NAALADL2: variants seen among roughly 807,000 people sequenced by gnomAD.
NAALADL2 encodes the protein inactive N-acetylated-alpha-linked acidic dipeptidase-like protein 2.
A neutral mutation model predicts 87.2 loss-of-function variants in NAALADL2; 76 were observed. That is an observed-to-expected ratio of 0.87 (90% CI 0.72 to 1.05). The LOEUF (loss-of-function observed/expected upper bound fraction) is 1.05, where lower values mean the gene tolerates loss of function less well. Ranked by LOEUF, NAALADL2 falls within the 50% of genes least tolerant of loss-of-function variation. The pLI, the probability that NAALADL2 is intolerant of heterozygous loss-of-function variation, is 0.00. For missense variants in NAALADL2, 1,089 were observed against 945.8 expected (o/e 1.15, Z -1.99); for synonymous variants, 354 against 331.0 (o/e 1.07, Z -0.75).
chr3:174,763,492 C>T (rs530389029), intron 3 of NAALADL2, among the ~76,000 whole-genome samples: 36 of 146,756 alleles, frequency 2.5e-4, no homozygotes, highest in African/African-American at 8.1e-4. Flanking sequence ...GAGGCTGAGG[C>T]AGGAGAATCG....
chr3:175,002,515 C>A (rs1748392925), intron 1 of NAALADL2, among the ~76,000 whole-genome samples: 1 of 152,058 alleles, frequency 6.6e-6, no homozygotes, highest in African/African-American at 2.4e-5. Context: ...TGAACCCATG[C>A]CACTTAATGA....
chr3:175,419,089 T>C (rs1321000364), intron 5 of NAALADL2, among the ~76,000 whole-genome samples: 1 of 151,796 alleles, frequency 6.6e-6, no homozygotes, highest in African/African-American at 2.4e-5. Context: ...ACCTGTCAAG[T>C]GTCAGAGCTG....
chr3:175,440,891 G>C lies in NAALADL2; in HGVS notation c.1091-6338G>C, dbSNP rs954651798. ...TGTCCTTTATTTCTTTCTCTTGTCT[G>C]ATTGCTCTGGCTAGGACTTCCTCTA... On this transcript the variant is annotated intron_variant, in intron 5 of 13. Transcript: ENST00000454872. 7.2e-5 allele frequency among the ~76,000 whole-genome samples: 11 copies of C among 152,056 alleles called. No homozygotes were observed. In the East Asian group the frequency reaches 2.1e-3, roughly 29 times the overall value.
intron 11 of NAALADL2, among the ~76,000 whole-genome samples, chr3:175,657,657 T>C (rs1281528026): frequency 1.6e-4 from 24 of 151,658 alleles, no homozygotes; most frequent in Non-Finnish European, 4.4e-5. Flanking sequence ...CTGGGCTCAC[T>C]GCAAGCTCCG....
intron 11 of NAALADL2, among the ~76,000 whole-genome samples, chr3:175,705,831 T>C (rs1255912197): frequency 6.6e-6 from 1 of 152,094 alleles, no homozygotes; most frequent in South Asian, 2.1e-4. Flanking sequence ...CATTCCTTTA[T>C]CTAACTGTGC....
intron 1 of NAALADL2, among the ~76,000 whole-genome samples, chr3:174,902,907 G>A (rs540547199): frequency 1.3e-5 from 2 of 152,138 alleles, no homozygotes; most frequent in East Asian, 1.9e-4. Flanking sequence ...CAAGAAGATT[G>A]GACAGAAATT....
chr3:174,518,191 G>A (rs1720049130), intron 1 of NAALADL2, among the ~76,000 whole-genome samples: 1 of 152,080 alleles, frequency 6.6e-6, no homozygotes, highest in Non-Finnish European at 1.5e-5. Context: ...GGATGTATGT[G>A]CCTGTGTGTA....
intron 5 of NAALADL2, among the ~76,000 whole-genome samples, chr3:175,415,360 T>A (rs573651662): frequency 6.6e-6 from 1 of 152,178 alleles, no homozygotes; most frequent in Non-Finnish European, 1.5e-5. Flanking sequence ...AAATACTATT[T>A]GGATAGCTAT....
chr3:175,134,374 A>G (rs951843898), intron 2 of NAALADL2, among the ~76,000 whole-genome samples: 6 of 152,194 alleles, frequency 3.9e-5, no homozygotes, highest in Non-Finnish European at 5.9e-5. Context: ...TGATGATACT[A>G]GTTGACATAA....
intron 4 of NAALADL2, among the ~76,000 whole-genome samples, chr3:175,266,685 G>A (rs952023445): frequency 7.9e-5 from 12 of 151,610 alleles, no homozygotes; most frequent in South Asian, 4.2e-4. Flanking sequence ...GGTAAATTTC[G>A]TCATATATAA....
chr3:174,864,548 T>A (rs1043824312), intron 1 of NAALADL2, among the ~76,000 whole-genome samples: 1 of 152,114 alleles, frequency 6.6e-6, no homozygotes, highest in Non-Finnish European at 1.5e-5. Context: ...AAAATCTTCT[T>A]GAAGAAAAGG....
Position 175,806,192 on chromosome 3 carries a change from A to G in NAALADL2, c.*2989A>G, listed in dbSNP as rs1279039893. 1 of 151,872 alleles carries G rather than the reference A, an allele frequency of 6.6e-6. No homozygotes were observed. Among genetic ancestry groups the G allele is most frequent in the African/African-American group, 2.4e-5 (1 of 41,354 alleles). 9.4% of individuals were successfully genotyped at this position (151,872 alleles called of 1,614,324 possible). On this transcript the variant is annotated 3_prime_UTR_variant, in exon 14 of 14. Transcript: ENST00000454872. ...CAAGGCTAGTTCATTCTCTGACTGT[A>G]CCTGACAAACAAAACTCTCCCCGAG...
chr3:175,299,307 GT>G (rs553141592), intron 4 of NAALADL2, among the ~76,000 whole-genome samples: 1 of 151,060 alleles, frequency 6.6e-6, no homozygotes, highest in Non-Finnish European at 1.5e-5. Context: ...TTTTGTTTTT[GT>G]TTTTTTTAAT....
intron 9 of NAALADL2, among the ~76,000 whole-genome samples, chr3:175,529,983 G>A (rs1582270188): frequency 6.6e-6 from 1 of 152,154 alleles, no homozygotes; most frequent in South Asian, 2.1e-4. Flanking sequence ...CATATCGAGG[G>A]CTCAGTGTTG....
At chr3:174,917,311 T>G (rs559747582) in intron 1 of NAALADL2, among the ~76,000 whole-genome samples, 11 of 152,142 alleles carry the variant, frequency 7.2e-5, no homozygotes, top group African/African-American at 2.7e-4. Flanking sequence ...AGACAGCACA[T>G]TTGCATTGTG....
intron 2 of NAALADL2, among the ~76,000 whole-genome samples, chr3:175,148,708 C>T (rs932721607): frequency 2.0e-5 from 3 of 152,072 alleles, no homozygotes; most frequent in Non-Finnish European, 4.4e-5. Flanking sequence ...GAGTCCTTTC[C>T]CCATTGCTTA....
chr3:175,085,716 G>C (rs1298820581), intron 1 of NAALADL2, among the ~76,000 whole-genome samples: 1 of 152,066 alleles, frequency 6.6e-6, no homozygotes, highest in South Asian at 2.1e-4. Context: ...TCAAGAGATC[G>C]AGACCATCCT....
intron 3 of NAALADL2, among the ~76,000 whole-genome samples, chr3:174,819,641 C>T (rs1163770295): frequency 2.6e-5 from 4 of 152,044 alleles, no homozygotes; most frequent in Admixed American, 2.6e-4. Context: ...TGTTGGGCAC[C>T]TGTTCTTGAT....
At chr3:175,513,131 C>T (rs552551071) in intron 9 of NAALADL2, among the ~76,000 whole-genome samples, 3 of 152,256 alleles carry the variant, frequency 2.0e-5, no homozygotes, top group Admixed American at 6.5e-5. Flanking sequence ...GCAGTGTACA[C>T]AGTCACAATT....
Sources: allele counts gnomAD v4.1 joint callset (sites outside exome capture counted in the v4.1 genomes callset), GRCh38; gene constraint gnomAD v4.1.1; transcripts MANE v1.5; gene names NCBI Gene and HGNC (gene_info 2026-07-23, HGNC 2026-07-21).